DMD: variants seen among roughly 807,000 people sequenced by gnomAD.
DMD encodes the protein mutant dystrophin.
In DMD, 63 loss-of-function variants were observed where a neutral mutation model predicts 330.1. That is an observed-to-expected ratio of 0.19 (90% CI 0.16 to 0.24). The LOEUF is 0.24. Ranked by LOEUF, DMD falls within the 10% of genes least tolerant of loss-of-function variation. The probability of loss-of-function intolerance (pLI) is 1.00; values close to 1 mark genes in which losing one functional copy is unlikely to be tolerated. For missense variants in DMD, 3,344 were observed against 2,684.1 expected (o/e 1.25, Z -5.43); for synonymous variants, 1,223 against 959.8 (o/e 1.27, Z -5.07).
At chrX:32,403,504 A>G (rs1441107635) in intron 30 of DMD, among the ~76,000 whole-genome samples, 1 of 112,045 alleles carries the variant, frequency 8.9e-6, no homozygotes, top group Non-Finnish European at 1.9e-5. Context: ...CTATATCTTT[A>G]TCATATAGCC....
intron 44 of DMD, among the ~76,000 whole-genome samples, chrX:32,130,335 A>C (rs1336472979): frequency 1.8e-5 from 2 of 111,938 alleles, no homozygotes; most frequent in African/African-American, 6.5e-5. Context: ...TATCAATGCC[A>C]GAATTATCAA....
chrX:32,181,244 C>T (rs1190976907), intron 44 of DMD, among the ~76,000 whole-genome samples: 1 of 111,497 alleles, frequency 9.0e-6, no homozygotes, highest in Non-Finnish European at 1.9e-5. Flanking sequence ...CTTTTTTGTG[C>T]TAGGAAGAAA....
intron 44 of DMD, among the ~76,000 whole-genome samples, chrX:32,170,988 CATCT>C (rs765660982): frequency 2.1e-4 from 23 of 111,401 alleles, no homozygotes; most frequent in Non-Finnish European, 2.1e-4. Flanking sequence ...AATAAAATAA[CATCT>C]ATCTATCTGT....
chrX:32,039,249 C>T (rs1373397275), intron 44 of DMD, among the ~76,000 whole-genome samples: 8 of 111,176 alleles, frequency 7.2e-5, no homozygotes, highest in Non-Finnish European at 1.5e-4. Context: ...AGTCTGATCT[C>T]ATTAGATACT....
intron 9 of DMD, among the ~76,000 whole-genome samples, chrX:32,674,246 A>C (rs976074531): frequency 9.0e-6 from 1 of 111,632 alleles, no homozygotes; most frequent in Non-Finnish European, 1.9e-5. Context: ...CTGGACATCA[A>C]ATTTTTTCAC....
intron 1 of DMD, among the ~76,000 whole-genome samples, chrX:33,269,289 G>A (rs6631769): frequency 0.2 from 22,610 of 110,676 alleles, 3,943 homozygotes; most frequent in African/African-American, 0.57. Context: ...CCTTTGCAGC[G>A]ACATGGATGG....
At chrX:31,264,429 G>A (rs977701351) in intron 62 of DMD, among the ~76,000 whole-genome samples, 2 of 112,104 alleles carry the variant, frequency 1.8e-5, no homozygotes, top group African/African-American at 3.2e-5. Context: ...GCCTTTCTGA[G>A]AACAACAATG....
intron 1 of DMD, among the ~76,000 whole-genome samples, chrX:33,091,940 T>TA (rs1164551127): frequency 1.8e-5 from 2 of 112,144 alleles, no homozygotes; most frequent in Non-Finnish European, 3.8e-5. Flanking sequence ...TAAATACTCT[T>TA]ACGCTCTCTC....
chrX:32,103,125 T>C (rs1309576099), intron 44 of DMD, among the ~76,000 whole-genome samples: 3 of 111,629 alleles, frequency 2.7e-5, no homozygotes, highest in Non-Finnish European at 3.8e-5. Flanking sequence ...ACATGTTCAG[T>C]AATTTCCTGG....
At chrX:32,738,994 A>G (rs1442223467) in intron 7 of DMD, among the ~76,000 whole-genome samples, 2 of 112,100 alleles carry the variant, frequency 1.8e-5, no homozygotes, top group Non-Finnish European at 3.8e-5. Flanking sequence ...AACTTCAGGC[A>G]TAGAGAATAA....
intron 60 of DMD, among the ~76,000 whole-genome samples, chrX:31,351,725 C>CAAAAAAAA (rs3061693): frequency 5.7e-5 from 3 of 53,024 alleles, no homozygotes; most frequent in African/African-American, 8.5e-5. Flanking sequence ...GACTCCATCT[C>CAAAAAAAA]AAAAAAAAAA....
At chrX:31,586,488 G>A (rs1175847562) in intron 55 of DMD, among the ~76,000 whole-genome samples, 2 of 112,892 alleles carry the variant, frequency 1.8e-5, no homozygotes, top group African/African-American at 6.4e-5. Context: ...TTCTTGTAAT[G>A]AGAAGGTAAT....
At chrX:33,333,750 A>G (rs914384426) in intron 1 of DMD, among the ~76,000 whole-genome samples, 1 of 111,327 alleles carries the variant, frequency 9.0e-6, no homozygotes, top group Non-Finnish European at 1.9e-5. Context: ...TGTTCAGGAA[A>G]ATATAAATAA....
chrX:33,261,377 C>G lies in DMD; in HGVS notation c.7+77882G>C, dbSNP rs149458219. Among the ~76,000 whole-genome samples, 386 of 110,391 alleles carry G rather than the reference C, an allele frequency of 3.5e-3. 3 individuals are homozygous for G. The highest frequency in any genetic ancestry group is 0.012 in the African/African-American group (367 of 30,402). ...ACACAATCTTGGCACCTCCACATAT[C>G]AGACACAGTAGCTGCAGTCCTGACA... On this transcript the variant is annotated intron_variant, in intron 1 of 17. Transcript: ENST00000288447.
At chrX:31,765,641 G>T (rs188059674) in intron 51 of DMD, among the ~76,000 whole-genome samples, 12 of 111,732 alleles carry the variant, frequency 1.1e-4, no homozygotes, top group Non-Finnish European at 1.5e-4. Flanking sequence ...TAATGTATAC[G>T]TTAATTTTAT....
chrX:32,539,778 G>A (rs1157934394), intron 17 of DMD, among the ~76,000 whole-genome samples: 2 of 111,355 alleles, frequency 1.8e-5, no homozygotes, highest in Non-Finnish European at 3.8e-5. Context: ...ACAAAAAACA[G>A]AAACAAACTG....
At chrX:32,050,647 A>G (rs1052895484) in intron 44 of DMD, among the ~76,000 whole-genome samples, 1 of 111,359 alleles carries the variant, frequency 9.0e-6, no homozygotes, top group Non-Finnish European at 1.9e-5. Flanking sequence ...ATAAGGAATG[A>G]TTTCTTAAAA....
At chrX:31,366,503 A>AAT (rs2059261195) in intron 60 of DMD, among the ~76,000 whole-genome samples, 1 of 102,303 alleles carries the variant, frequency 9.8e-6, no homozygotes, top group Admixed American at 1.0e-4. Flanking sequence ...AAAACATAAA[A>AAT]AAAAAAATAA....
rs181045939 is a variant in DMD at position 31,548,374 on chromosome X, G to A, written c.8218-40921C>T. On this transcript the variant is annotated intron_variant, in intron 55 of 78. Transcript: ENST00000357033. ...ATCCTCACCCTTGAACATCTTTCCC[G>A]TCTTTCCTTTTCTTCTGGTCATGAT... is the stretch of plus-strand genomic sequence containing the variant. Among the ~76,000 whole-genome samples, 48 of 110,640 alleles carry A rather than the reference G, an allele frequency of 4.3e-4. No individual in the cohort carries two copies. In the South Asian group the frequency reaches 0.016, roughly 38 times the overall value.
Sources: allele counts gnomAD v4.1 joint callset (sites outside exome capture counted in the v4.1 genomes callset), GRCh38; gene constraint gnomAD v4.1.1; transcripts MANE v1.5; gene names NCBI Gene and HGNC (gene_info 2026-07-23, HGNC 2026-07-21).